Variants in ICA1L observed in about 807,000 individuals in gnomAD.
ICA1L encodes the protein islet cell autoantigen 1 like.
Under a neutral mutation model 61.3 loss-of-function variants are expected in ICA1L, and 50 were observed. That is an observed-to-expected ratio of 0.82 (90% confidence interval 0.65 to 1.03). The LOEUF (loss-of-function observed/expected upper bound fraction) is 1.03, where lower values mean the gene tolerates loss of function less well. ICA1L is among the 50% of genes least tolerant of loss of function. ICA1L has a pLI of 0.00. For missense variants in ICA1L, 508 were observed against 556.7 expected (o/e 0.91, Z 0.88); for synonymous variants, 161 against 191.3 (o/e 0.84, Z 1.31).
intron 1 of ICA1L, among the ~76,000 whole-genome samples, chr2:202,861,586 C>T (rs1469202562): frequency 6.6e-6 from 1 of 151,574 alleles, no homozygotes; most frequent in Non-Finnish European, 1.5e-5. Flanking sequence ...CATAAGTAGA[C>T]ATTTTTTTAA....
rs1462873863 is a variant in ICA1L at position 202,777,492 on chromosome 2, A to G, written c.*2041T>C. The G allele has an allele frequency of 6.6e-6, 1 of 152,232 alleles. No homozygotes were observed. Among genetic ancestry groups the G allele is most frequent in the Non-Finnish European group, 1.5e-5 (1 of 68,046 alleles). 9.4% of individuals were successfully genotyped at this position (152,232 alleles called of 1,614,324 possible). ...CAGTGACAGTATTACATTCTGGGAA[A>G]TTTCACTGAGTATAAAGGAAGACTT... is the stretch of plus-strand genomic sequence containing the variant. On this transcript the variant is annotated 3_prime_UTR_variant, in exon 13 of 13. Transcript: ENST00000358299.
intron 1 of ICA1L, among the ~76,000 whole-genome samples, chr2:202,867,134 C>T (rs979159942): frequency 6.6e-5 from 10 of 152,114 alleles, no homozygotes; most frequent in African/African-American, 2.2e-4. Context: ...ACTTTTCATA[C>T]GTACACACAC....
rs1433732650 is a variant in ICA1L, at chr2:202,775,819, T to TA, written c.*3713dup. The TA allele has an allele frequency of 1.3e-5, 2 of 152,222 alleles. No homozygotes were observed. The highest frequency in any genetic ancestry group is 2.4e-5 in the African/African-American group (1 of 41,450). The allele number at this position is 152,222 out of a possible 1,614,324, so 9.4% of individuals were successfully genotyped here. A position where few individuals can be genotyped will look rare whatever the true frequency, so the allele number is the denominator to read the frequency against. On this transcript the variant is annotated 3_prime_UTR_variant, in exon 13 of 13. Transcript: ENST00000358299. ...AGGCGTGAGCTACCGCGCCTGGCCT[T>TA]ACAAGGATATTAATTGCCCTGGTTT...
intron 5 of ICA1L, among the ~76,000 whole-genome samples, chr2:202,818,316 C>T (rs1469096788): frequency 1.3e-5 from 2 of 152,024 alleles, no homozygotes; most frequent in Non-Finnish European, 1.5e-5. Flanking sequence ...GAGAGCATTC[C>T]AGAACTAGGG....
chr2:202,871,479 CCG>C (rs145741252), intron 1 of ICA1L, 138 bp downstream of exon 1: 13,489 of 151,480 alleles, frequency 0.089, 739 homozygotes, highest in Non-Finnish European at 0.12. Flanking sequence ...CCCCGAGAAG[CCG>C]CGCGCGCGCG....
Position 202,815,965 on chromosome 2 carries a change from G to C in ICA1L, c.729C>G (p.Ser243=). The C allele has an allele frequency of 6.2e-7, 1 of 1,604,480 alleles. No individual in the cohort carries two copies. Among genetic ancestry groups the C allele is most frequent in the East Asian group, 2.3e-5 (1 of 43,998 alleles). Residue 243 remains serine (S), a synonymous_variant, in exon 7 of 13, where the codon TCC becomes TCG. Coordinates refer to ENST00000358299, the MANE Select transcript of ICA1L (RefSeq NM_001288622.3). ...AGCCAATACAGGCTTCATGAATTTG[G>C]GACATCATTCGAGCTGTTTTCTTCC... The part of the protein sequence containing the change: ...GFWKKTARMM[S]QIHEACIGFH...
chr2:202,791,806 T>C (rs537792391), intron 10 of ICA1L, among the ~76,000 whole-genome samples: 42 of 151,668 alleles, frequency 2.8e-4, no homozygotes, highest in African/African-American at 9.7e-4. Context: ...GATTGTGCCA[T>C]TGCACTCAAG....
chr2:202,822,786 C>G (rs530628994), intron 3 of ICA1L, among the ~76,000 whole-genome samples: 1 of 152,264 alleles, frequency 6.6e-6, no homozygotes, highest in African/African-American at 2.4e-5. Flanking sequence ...ATGCTGCCTC[C>G]CCACTACCCC....
chr2:202,789,142 A>G (rs1692674413), intron 10 of ICA1L, 55 bp from the exon 11 acceptor site: 1 of 1,397,024 alleles, frequency 7.2e-7, no homozygotes, highest in Non-Finnish European at 9.9e-7. Flanking sequence ...AAATGAGAGT[A>G]AGACCATAGG....
At chr2:202,810,978 G>A (rs1693361158) in intron 9 of ICA1L, among the ~76,000 whole-genome samples, 1 of 152,192 alleles carries the variant, frequency 6.6e-6, no homozygotes, top group African/African-American at 2.4e-5. Context: ...CAATGACAAT[G>A]CCTGCCCGAA....
At chr2:202,853,343 C>T (rs1574381033) in intron 1 of ICA1L, among the ~76,000 whole-genome samples, 3 of 143,172 alleles carry the variant, frequency 2.1e-5, no homozygotes, top group South Asian at 2.2e-4. Context: ...GGCGACAGAG[C>T]GAGACTCCGT....
intron 1 of ICA1L, among the ~76,000 whole-genome samples, chr2:202,848,863 A>G (rs926861918): frequency 6.6e-6 from 1 of 152,118 alleles, no homozygotes; most frequent in African/African-American, 2.4e-5. Context: ...GCCGAATAGG[A>G]ACAGCTCTGG....
intron 1 of ICA1L, among the ~76,000 whole-genome samples, chr2:202,863,354 A>G (rs1694973017): frequency 6.6e-6 from 1 of 152,184 alleles, no homozygotes; most frequent in Non-Finnish European, 1.5e-5. Context: ...GAAGTTAGAA[A>G]AAGAGGAGCA....
rs1242221885 is a variant in ICA1L at position 202,778,314 on chromosome 2, T to G, written c.*1219A>C. 2 of 152,222 alleles carry G rather than the reference T, an allele frequency of 1.3e-5. No homozygotes were observed. The highest frequency in any genetic ancestry group is 1.3e-4 in the Admixed American group (2 of 15,288). The allele number at this position is 152,222 out of a possible 1,614,324, so 9.4% of individuals were successfully genotyped here. A position where few individuals can be genotyped will look rare whatever the true frequency, so the allele number is the denominator to read the frequency against. ...GGAAATTGAGTGATTGATGTGTGTG[T>G]ACGGTAGCTACGTTTTTATCAGCTT... On this transcript the variant is annotated 3_prime_UTR_variant, in exon 13 of 13. Transcript: ENST00000358299.
Position 202,815,922 on chromosome 2 carries a change from C to A in ICA1L, c.772G>T (p.Val258Leu). 1 of 1,583,050 alleles carries A rather than the reference C, an allele frequency of 6.3e-7. No individual in the cohort carries two copies. The highest frequency in any genetic ancestry group is 8.6e-7 in the Non-Finnish European group (1 of 1,166,144). Reference sequence around the variant, plus strand: ...GGAACACAATGTACCTTGAGAGCTACAAAATCATACGGATGAAAGCCAATA... The same window carrying A: ...GGAACACAATGTACCTTGAGAGCTAAAAAATCATACGGATGAAAGCCAATA... ...ACIGFHPYDF[V>L]ALKQLQDTPS... The change falls in exon 7 of 13, where the codon GTA becomes TTA. Residue 258 changes from valine to leucine, a missense_variant. By Grantham distance (32) the Val-to-Leu change is conservative. Coordinates refer to ENST00000358299, the MANE Select transcript of ICA1L (RefSeq NM_001288622.3).
chr2:202,858,011 C>T (rs1559150246), intron 1 of ICA1L, among the ~76,000 whole-genome samples: 1 of 152,168 alleles, frequency 6.6e-6, no homozygotes, highest in African/African-American at 2.4e-5. Flanking sequence ...AATGCTTTTA[C>T]ACTGTTAGTG....
At chr2:202,850,008 G>T (rs1694573003) in intron 1 of ICA1L, among the ~76,000 whole-genome samples, 1 of 152,138 alleles carries the variant, frequency 6.6e-6, no homozygotes, top group South Asian at 2.1e-4. Flanking sequence ...AGGCAAACAG[G>T]TTATAGAGTA....
At chr2:202,807,307 G>A (rs531155355) in intron 9 of ICA1L, among the ~76,000 whole-genome samples, 127 of 152,294 alleles carry the variant, frequency 8.3e-4, no homozygotes, top group African/African-American at 2.9e-3. Flanking sequence ...CTGTACTTGT[G>A]GGAGGGAGAG....
chr2:202,848,921 T>C lies in ICA1L; in HGVS notation c.-7-19905A>G, dbSNP rs550261599. Among the ~76,000 whole-genome samples the C allele has an allele frequency of 5.3e-5, 8 of 152,188 alleles. No individual in the cohort carries two copies. In the East Asian group the frequency reaches 7.8e-4, roughly 15 times the overall value. On this transcript the variant is annotated intron_variant, in intron 1 of 12. Coordinates refer to ENST00000358299, the MANE Select transcript of ICA1L (RefSeq NM_001288622.3). ...ACGCAGAAGGCAGGTGATTTCTGCA[T>C]TGCCAACTGAGGTACCCAGTTCATC...
Sources: allele counts gnomAD v4.1 joint callset (sites outside exome capture counted in the v4.1 genomes callset), GRCh38; gene constraint gnomAD v4.1.1; transcripts MANE v1.5; gene names NCBI Gene and HGNC (gene_info 2026-07-23, HGNC 2026-07-21).